The following ATXN7L1 variants were observed in gnomAD, a reference collection of about 807,000 sequenced individuals.
The protein encoded by ATXN7L1 is ataxin 7 like 1.
Under a neutral mutation model 70.8 loss-of-function variants are expected in ATXN7L1, and 15 were observed. The observed-to-expected ratio is 0.21, with a 90% CI of 0.14 to 0.33. ATXN7L1 has a LOEUF of 0.33. ATXN7L1 is among the 10% of genes least tolerant of loss of function. The pLI, the probability that ATXN7L1 is intolerant of heterozygous loss-of-function variation, is 1.00. For missense variants in ATXN7L1, 975 were observed against 1,097.1 expected (o/e 0.89, Z 1.57); for synonymous variants, 440 against 445.1 (o/e 0.99, Z 0.14).
intron 3 of ATXN7L1, among the ~76,000 whole-genome samples, chr7:105,746,618 A>C (rs1284909426): frequency 6.6e-6 from 1 of 152,108 alleles, no homozygotes; most frequent in Non-Finnish European, 1.5e-5. Context: ...ACCTGACATC[A>C]TACACTTCTT....
At position 105,614,947 on chromosome 7, in the gene ATXN7L1, C is replaced by T. The variant is rs975136253; in HGVS notation, c.1518-131G>A. 31 of 1,106,248 alleles carry T rather than the reference C, an allele frequency of 2.8e-5. No homozygotes were observed. Among genetic ancestry groups the T allele is most frequent in the Non-Finnish European group, 2.9e-5 (23 of 799,780 alleles). 68.5% of individuals were successfully genotyped at this position (1,106,248 alleles called of 1,614,324 possible). On this transcript the variant is annotated intron_variant, in intron 9 of 11. Coordinates refer to ENST00000419735, the MANE Select transcript of ATXN7L1 (RefSeq NM_020725.2). This position sits in a 1 kb window ranked among gnomAD's most constrained non-coding sequence, Gnocchi z 4.3. Reference sequence around the variant, plus strand: ...AGAACCAGACTATGGAGAATGGAGCCTTGAAGGATGGGAGAATCTGAAGCA... The same window carrying T: ...AGAACCAGACTATGGAGAATGGAGCTTTGAAGGATGGGAGAATCTGAAGCA...
Position 105,692,411 on chromosome 7 carries a change from T to TTCCTTCCTTCCTTCCTTCCCTCCCTCCC in ATXN7L1, c.356-27124_356-27123insGGGAGGGAGGGAAGGAAGGAAGGAAGGA, listed in dbSNP as rs1554431635. ...CTTCCTTCCTTCCTTCCTTCCTTCC[T>TTCCTTCCTTCCTTCCTTCCCTCCCTCCC]TCCTTCCTTCCTTCCTCCCTCCCTC... On this transcript the variant is annotated intron_variant, in intron 3 of 11. Transcript: ENST00000419735. 3.9e-3 allele frequency among the ~76,000 whole-genome samples: 467 copies of TTCCTTCCTTCCTTCCTTCCCTCCCTCCC among 119,440 alleles called. 9 individuals carry two copies. The highest frequency in any genetic ancestry group is 5.8e-3 in the Non-Finnish European group (327 of 56,210). 78.4% of individuals were successfully genotyped at this position (119,440 alleles called of 152,430 possible).
chr7:105,829,686 A>G (rs1442716820), intron 2 of ATXN7L1, among the ~76,000 whole-genome samples: 3 of 152,236 alleles, frequency 2.0e-5, no homozygotes, highest in African/African-American at 7.2e-5. Flanking sequence ...TTCAGCATGC[A>G]TTATCAAAAT....
intron 3 of ATXN7L1, among the ~76,000 whole-genome samples, chr7:105,787,771 G>A (rs777755830): frequency 5.3e-5 from 8 of 151,690 alleles, no homozygotes; most frequent in Non-Finnish European, 7.4e-5. Context: ...TTAATGGTAA[G>A]GAGGGCATTC....
chr7:105,736,030 G>C (rs993429962), intron 3 of ATXN7L1, among the ~76,000 whole-genome samples: 1 of 152,158 alleles, frequency 6.6e-6, no homozygotes, highest in Non-Finnish European at 1.5e-5. Context: ...AGACAGTAAA[G>C]CTAATCATTT....
intron 2 of ATXN7L1, among the ~76,000 whole-genome samples, chr7:105,847,517 C>G (rs1163248234): frequency 6.6e-6 from 1 of 152,136 alleles, no homozygotes; most frequent in Non-Finnish European, 1.5e-5. Flanking sequence ...GTTGACTCTT[C>G]TAGAGCCAAC....
chr7:105,871,567 G>A (rs1157127832), intron 2 of ATXN7L1, among the ~76,000 whole-genome samples: 4 of 152,180 alleles, frequency 2.6e-5, no homozygotes, highest in East Asian at 3.9e-4. Flanking sequence ...AAAATTAGCC[G>A]GGCGTGGTGG....
intron 3 of ATXN7L1, among the ~76,000 whole-genome samples, chr7:105,719,867 C>A (rs1443132562): frequency 6.6e-5 from 10 of 152,180 alleles, no homozygotes; most frequent in Admixed American, 6.5e-4. Context: ...ACAGAAAGAT[C>A]CAGCTGTGAA....
intron 3 of ATXN7L1, among the ~76,000 whole-genome samples, chr7:105,697,315 A>C (rs1238280446): frequency 6.6e-6 from 1 of 152,098 alleles, no homozygotes; most frequent in Non-Finnish European, 1.5e-5. Flanking sequence ...TACGCCCCAG[A>C]GGGGCCAGTT....
intron 3 of ATXN7L1, among the ~76,000 whole-genome samples, chr7:105,764,017 C>A (rs1006145333): frequency 6.6e-6 from 1 of 151,978 alleles, no homozygotes; most frequent in Non-Finnish European, 1.5e-5. Context: ...CCATGCCCAG[C>A]TAATTTTTAT....
At chr7:105,746,019 T>G (rs12536717) in intron 3 of ATXN7L1, among the ~76,000 whole-genome samples, 38,970 of 152,066 alleles carry the variant, frequency 0.26, 5,234 homozygotes, top group East Asian at 0.32. Context: ...AGTGGACCAT[T>G]CCCCCAGTGG....
intron 9 of ATXN7L1, chr7:105,617,668 G>A (rs950563121): frequency 1.9e-5 from 6 of 322,018 alleles, no homozygotes; most frequent in African/African-American, 1.3e-4. Flanking sequence ...TTGCTGGGCT[G>A]TGCCCTGGTT....
intron 2 of ATXN7L1, among the ~76,000 whole-genome samples, chr7:105,810,154 T>C (rs1808224247): frequency 6.6e-6 from 1 of 152,220 alleles, no homozygotes; most frequent in Non-Finnish European, 1.5e-5. Flanking sequence ...CTCACAGAGA[T>C]ACTGAAGTCA....
chr7:105,782,365 A>G (rs1803655734), intron 3 of ATXN7L1, among the ~76,000 whole-genome samples: 1 of 152,210 alleles, frequency 6.6e-6, no homozygotes, highest in African/African-American at 2.4e-5. Context: ...GAAACAAACT[A>G]ATCCCTTGAA....
chr7:105,758,566 T>C (rs1800095748), intron 3 of ATXN7L1, among the ~76,000 whole-genome samples: 1 of 152,206 alleles, frequency 6.6e-6, no homozygotes, highest in African/African-American at 2.4e-5. Context: ...GACAGATCAG[T>C]GGTGACAGGT....
intron 5 of ATXN7L1, among the ~76,000 whole-genome samples, chr7:105,640,725 A>G (rs990377074): frequency 1.3e-5 from 2 of 152,202 alleles, no homozygotes; most frequent in African/African-American, 4.8e-5. Flanking sequence ...GGGTCTCACT[A>G]TATTGCCCAG....
At chr7:105,725,737 C>T (rs548750153) in intron 3 of ATXN7L1, among the ~76,000 whole-genome samples, 7 of 152,138 alleles carry the variant, frequency 4.6e-5, no homozygotes, top group South Asian at 2.1e-4. Context: ...TTCACCACAA[C>T]GCCCAGCTAA....
intron 11 of ATXN7L1, 130 bp downstream of exon 11, chr7:105,610,399 G>A: frequency 1.2e-6 from 1 of 819,712 alleles, no homozygotes; most frequent in Non-Finnish European, 1.9e-6. Flanking sequence ...GCCTAGGTTT[G>A]GAAGCCAGGT....
chr7:105,641,208 CTCTCTCTTTTTTTTTTTTTTTT>C (rs1201229144), intron 5 of ATXN7L1, among the ~76,000 whole-genome samples: 2 of 70,870 alleles, frequency 2.8e-5, no homozygotes, highest in East Asian at 5.2e-4. Flanking sequence ...CTCTCTCTCT[CTCTCTCTTTTTTTTTTTTTTTT>C]TTTTTTTTTT....
Sources: gnomAD v4.1 joint callset for allele counts (sites outside exome capture counted in the v4.1 genomes callset) on GRCh38, gnomAD v4.1.1 for gene constraint, Gnocchi (gnomAD v3.1) non-coding constraint, MANE v1.5 for transcripts, NCBI Gene and HGNC (gene_info 2026-07-23, HGNC 2026-07-21) for gene names.